The following LARP4B variants were observed in gnomAD, a reference collection of about 807,000 sequenced individuals.
LARP4B encodes La ribonucleoprotein 4B.
LARP4B carries 12 observed loss-of-function variants against 89.8 expected under a neutral mutation model. That is an observed-to-expected ratio of 0.13 (90% CI 0.09 to 0.22). LARP4B has a LOEUF of 0.22. LARP4B is among the 10% of genes least tolerant of loss of function. The pLI is 1.00. For missense variants in LARP4B, 757 were observed against 947.7 expected, an observed-to-expected ratio of 0.80 and a Z score of 2.64; for synonymous variants, 367 against 363.3, an observed-to-expected ratio of 1.01 and a Z score of -0.12.
chr10:881,323 C>T (rs1357903773), intron 3 of LARP4B, among the ~76,000 whole-genome samples: 2 of 152,192 alleles, frequency 1.3e-5, no homozygotes, highest in Admixed American at 6.5e-5. Context: ...GGAATGTCAC[C>T]GTCTAAGTTG....
chr10:834,726 A>T (rs1833101670), intron 8 of LARP4B, among the ~76,000 whole-genome samples: 1 of 152,258 alleles, frequency 6.6e-6, no homozygotes, highest in African/African-American at 2.4e-5. Flanking sequence ...TCCAAAATCA[A>T]TGTCTACTGC....
intron 5 of LARP4B, among the ~76,000 whole-genome samples, chr10:846,965 G>A (rs772662443): frequency 2.0e-5 from 3 of 152,180 alleles, no homozygotes; most frequent in Non-Finnish European, 4.4e-5. Flanking sequence ...ACATGACACA[G>A]TAGAGCCAGG....
intron 1 of LARP4B, among the ~76,000 whole-genome samples, chr10:916,066 A>G (rs1290823279): frequency 6.6e-6 from 1 of 152,182 alleles, no homozygotes; most frequent in Non-Finnish European, 1.5e-5. Flanking sequence ...TTGTATGTGA[A>G]GCTTTGTCAA....
chr10:858,023 C>T lies in LARP4B; in HGVS notation c.430+5720G>A, dbSNP rs906086571. Among the ~76,000 whole-genome samples the T allele has an allele frequency of 2.6e-5, 4 of 152,200 alleles. No homozygotes were observed. The East Asian group carries it at 7.7e-4, about 29-fold the overall frequency. On this transcript the variant is annotated intron_variant, in intron 5 of 17. Coordinates refer to ENST00000316157, the MANE Select transcript of LARP4B (RefSeq NM_015155.3). The stretch of plus-strand genomic sequence containing the variant: ...AAAGACCCAACAATGCTATGGTTAG[C>T]CTTAAAAATTCTCTTTAAAATTAAA...
chr10:849,347 A>C (rs1477414765), intron 5 of LARP4B, among the ~76,000 whole-genome samples: 1 of 152,162 alleles, frequency 6.6e-6, no homozygotes, highest in Non-Finnish European at 1.5e-5. Flanking sequence ...ACCACAAAAA[A>C]ACCCTATGTT....
At chr10:890,414 G>C (rs1211357332) in intron 1 of LARP4B, among the ~76,000 whole-genome samples, 1 of 152,280 alleles carries the variant, frequency 6.6e-6, no homozygotes, top group African/African-American at 2.4e-5. Context: ...CACTTTAACA[G>C]ATATATTTCA....
At chr10:905,237 A>G (rs1452270111) in intron 1 of LARP4B, among the ~76,000 whole-genome samples, 8 of 152,230 alleles carry the variant, frequency 5.3e-5, no homozygotes, top group African/African-American at 1.7e-4. Flanking sequence ...AAGTCTTATT[A>G]TCTGAACCTG....
At chr10:988,281 C>T in the LARP4B span, 95 of 580,092 alleles carry the variant, frequency 1.6e-4, 1 homozygote, top group Non-Finnish European at 2.2e-4. Flanking sequence ...TCCTGAGGCC[C>T]TCACACGCCC....
At chr10:974,880 ACT>A in the LARP4B span, among the ~76,000 whole-genome samples, 1 of 152,140 alleles carries the variant, frequency 6.6e-6, no homozygotes, top group Non-Finnish European at 1.5e-5. Flanking sequence ...CAAGCCTCCC[ACT>A]CTGCCATTCA....
intron 1 of LARP4B, among the ~76,000 whole-genome samples, chr10:886,241 G>C (rs1835853755): frequency 6.6e-6 from 1 of 152,126 alleles, no homozygotes; most frequent in Non-Finnish European, 1.5e-5. Flanking sequence ...CTAATTATTG[G>C]GGAAATGCAG....
At chr10:960,509 C>G in the LARP4B span, among the ~76,000 whole-genome samples, 1 of 151,840 alleles carries the variant, frequency 6.6e-6, no homozygotes, top group Non-Finnish European at 1.5e-5. Context: ...GAGTTTGAGA[C>G]CAGCTTGTCC....
intron 3 of LARP4B, among the ~76,000 whole-genome samples, chr10:880,941 C>A (rs1283999095): frequency 6.6e-6 from 1 of 152,160 alleles, no homozygotes; most frequent in Non-Finnish European, 1.5e-5. Context: ...TGATAAAACA[C>A]AAGAGGATCA....
intron 7 of LARP4B, among the ~76,000 whole-genome samples, chr10:841,013 C>T (rs1017197168): frequency 3.9e-5 from 6 of 151,954 alleles, no homozygotes; most frequent in African/African-American, 7.3e-5. Context: ...ATTAGCTGGG[C>T]GTGGTGGTGC....
the LARP4B span, among the ~76,000 whole-genome samples, chr10:959,456 C>T: frequency 2.7e-5 from 2 of 73,378 alleles, no homozygotes; most frequent in African/African-American, 4.5e-5. Flanking sequence ...TCCACCTCCC[C>T]ATCAATCCAC....
intron 8 of LARP4B, 56 bp downstream of exon 8, chr10:836,347 C>T (rs1588884188): frequency 1.6e-6 from 2 of 1,242,822 alleles, no homozygotes; most frequent in East Asian, 2.3e-5. Context: ...AAAATCAAAA[C>T]CAACAAAGAC....
the LARP4B span, among the ~76,000 whole-genome samples, chr10:961,922 C>T: frequency 1.3e-5 from 2 of 152,112 alleles, no homozygotes; most frequent in Admixed American, 6.5e-5. Context: ...CAAACCATAG[C>T]AGGCAACTTC....
chr10:897,097 G>A (rs1210517934), intron 1 of LARP4B, among the ~76,000 whole-genome samples: 1 of 149,982 alleles, frequency 6.7e-6, no homozygotes, highest in Non-Finnish European at 1.5e-5. Context: ...GAATAAAATT[G>A]AAAGACACAC....
At chr10:945,714 C>G in the LARP4B span, among the ~76,000 whole-genome samples, 1 of 151,550 alleles carries the variant, frequency 6.6e-6, no homozygotes, top group Non-Finnish European at 1.5e-5. Flanking sequence ...GACATTTTAG[C>G]ATTACTATGT....
chr10:941,540 T>C, the LARP4B span, among the ~76,000 whole-genome samples: 1 of 152,170 alleles, frequency 6.6e-6, no homozygotes, highest in African/African-American at 2.4e-5. Flanking sequence ...CAGTCTAGTC[T>C]TGAACTCCTA....
Sources: gnomAD v4.1 joint callset for allele counts (sites outside exome capture counted in the v4.1 genomes callset) on GRCh38, gnomAD v4.1.1 for gene constraint, MANE v1.5 for transcripts, NCBI Gene and HGNC (gene_info 2026-07-23, HGNC 2026-07-21) for gene names.